ZNF621: variants seen among roughly 807,000 people sequenced by gnomAD.
ZNF621 encodes zinc finger protein 621.
A neutral mutation model predicts 12.7 loss-of-function variants in ZNF621; 6 were observed. The observed-to-expected ratio is 0.47, with a 90% CI of 0.26 to 0.93. The LOEUF (loss-of-function observed/expected upper bound fraction) is 0.93. ZNF621 is among the 40% of genes least tolerant of loss of function. ZNF621 has a pLI of 0.15. For missense variants in ZNF621, 474 were observed against 524.0 expected, an observed-to-expected ratio of 0.90 and a Z score of 0.93; for synonymous variants, 156 against 190.3, an observed-to-expected ratio of 0.82 and a Z score of 1.48.
chr3:40,533,261 C>T lies in ZNF621; in HGVS notation c.*171C>T. The T allele has an allele frequency of 9.1e-7, 1 of 1,095,464 alleles. No homozygotes were observed. The highest frequency in any genetic ancestry group is 1.3e-6 in the Non-Finnish European group (1 of 795,362). The allele number at this position is 1,095,464 out of a possible 1,614,324, so 67.9% of individuals were successfully genotyped here. ...GTTCAAGCGATTCTCCTCCTTCAGA[C>T]TCTCGAATAGCTGGGATTACAGGCA... On this transcript the variant is annotated 3_prime_UTR_variant, in exon 5 of 5. Transcript: ENST00000339296.
chr3:40,524,567 T>G (rs937783138), upstream of ZNF621, among the ~76,000 whole-genome samples: 1 of 152,194 alleles, frequency 6.6e-6, no homozygotes, highest in Non-Finnish European at 1.5e-5. Flanking sequence ...ATCCTGGGCT[T>G]GGGCCTCTTA....
chr3:40,531,853 C>G (rs1698733373), intron 4 of ZNF621, among the ~76,000 whole-genome samples, 177 bp from the exon 5 acceptor site: 1 of 152,214 alleles, frequency 6.6e-6, no homozygotes. Context: ...CATGAGCCAC[C>G]ACACCTGGCC....
At chr3:40,530,575 C>G (rs1016939967) in intron 4 of ZNF621, among the ~76,000 whole-genome samples, 2 of 152,204 alleles carry the variant, frequency 1.3e-5, no homozygotes, top group Non-Finnish European at 2.9e-5. Flanking sequence ...TCCTAAACCA[C>G]TTCTTTCTTA....
At chr3:40,523,123 CT>C (rs1291104479), upstream of ZNF621, among the ~76,000 whole-genome samples, 1 of 150,548 alleles carries the variant, frequency 6.6e-6, no homozygotes, top group Non-Finnish European at 1.5e-5. Context: ...TCCTTTTTCT[CT>C]TTTTAGGACT....
At chr3:40,523,832 C>G (rs536581183), upstream of ZNF621, among the ~76,000 whole-genome samples, 3 of 150,078 alleles carry the variant, frequency 2.0e-5, no homozygotes, top group East Asian at 3.9e-4. Flanking sequence ...TTAGCAACCA[C>G]TTTGATACTG....
At chr3:40,530,425 C>A in intron 4 of ZNF621, 109 bp downstream of exon 4, 2 of 869,846 alleles carry the variant, frequency 2.3e-6, no homozygotes, top group Non-Finnish European at 3.6e-6. Flanking sequence ...ATTTATAAGT[C>A]GATACTCACT....
chr3:40,524,004 C>T (rs1014197338), upstream of ZNF621, among the ~76,000 whole-genome samples: 2 of 152,234 alleles, frequency 1.3e-5, no homozygotes, highest in East Asian at 1.9e-4. Flanking sequence ...TTTCAGAGTA[C>T]GTGTACTGAT....
chr3:40,525,686 C>A, intron 1 of ZNF621, 93 bp from the exon 2 acceptor site: 1 of 915,044 alleles, frequency 1.1e-6, no homozygotes, highest in African/African-American at 1.6e-5. Context: ...CTCCGTGCAT[C>A]CAGTGCTGGA....
upstream of ZNF621, among the ~76,000 whole-genome samples, chr3:40,523,895 G>C (rs1464286811): frequency 1.3e-5 from 2 of 152,076 alleles, no homozygotes; most frequent in East Asian, 3.9e-4. Flanking sequence ...ACTTGCCAAT[G>C]AGCTGGGTAG....
chr3:40,525,510 G>C, intron 1 of ZNF621: 1 of 548,266 alleles, frequency 1.8e-6, no homozygotes, highest in Non-Finnish European at 3.2e-6. Flanking sequence ...CAACACAATA[G>C]GGACAGGGCT....
At chr3:40,525,936 T>G in intron 2 of ZNF621, 72 bp downstream of exon 2, 1 of 1,582,550 alleles carries the variant, frequency 6.3e-7, no homozygotes. Flanking sequence ...TATCAGATAA[T>G]CAGGAAAGGA....
Position 40,532,371 on chromosome 3 carries a change from C to T in ZNF621, c.601C>T (p.His201Tyr). 6.2e-7 allele frequency: 1 copy of T among 1,612,814 alleles called. No individual in the cohort carries two copies. Among genetic ancestry groups the T allele is most frequent in the Non-Finnish European group, 8.5e-7 (1 of 1,179,994 alleles). Residue 201 changes from histidine to tyrosine, a missense_variant, in exon 5 of 5, where the codon CAC becomes TAC. Transcript: ENST00000339296. ...TGATTGTATTGTACATGAGAAAAAC[C>T]ACATTGGAGAAGGGCCCTATGAATG... ...SYDCIVHEKN[H>Y]IGEGPYECKE...
In ZNF621 at chr3:40,525,867, G is replaced by A. The variant is rs772834393; in HGVS notation, c.24+3G>A. ...TGCTCCAAACAACTTGGCCTCAGGT[G>A]AGCTGAGCTTCTTTCAGTTTTTTTG... On this transcript the variant is annotated splice_donor_region_variant and intron_variant, in intron 2 of 4. Transcript: ENST00000339296. The A allele has an allele frequency of 1.2e-6, 2 of 1,613,168 alleles. No individual in the cohort carries two copies. The highest frequency in any genetic ancestry group is 4.5e-5 in the East Asian group (2 of 44,880).
chr3:40,535,623 T>G lies in ZNF621; in HGVS notation c.*2533T>G, dbSNP rs1296172935. 2.0e-5 allele frequency: 3 copies of G among 152,178 alleles called. No individual in the cohort carries two copies. Among genetic ancestry groups the G allele is most frequent in the African/African-American group, 7.2e-5 (3 of 41,430 alleles). 9.4% of individuals were successfully genotyped at this position (152,178 alleles called of 1,614,324 possible). Reference sequence around the variant, plus strand: ...TAGGGTCTTCTGTCTTCAGCCAGGGTGTACCTGCTCGGTGGGAGTTGGTTA... The same window carrying G: ...TAGGGTCTTCTGTCTTCAGCCAGGGGGTACCTGCTCGGTGGGAGTTGGTTA... On this transcript the variant is annotated 3_prime_UTR_variant, in exon 5 of 5. Coordinates refer to ENST00000339296, the MANE Select transcript of ZNF621 (RefSeq NM_198484.5).
rs373767736 is a variant in ZNF621, at chr3:40,525,483, T to C, written c.-63+209T>C. ...CCTGTAAGCATTCTGTAAAGACTCT[T>C]TACGTTTGTAGAGACCCAACACAAT... is the stretch of plus-strand genomic sequence containing the variant. On this transcript the variant is annotated intron_variant, in intron 1 of 4. Transcript: ENST00000339296. The C allele has an allele frequency of 6.6e-6, 3 of 457,430 alleles. No individual in the cohort carries two copies. In the South Asian group the frequency reaches 8.2e-5, roughly 13 times the overall value. 28.3% of individuals were successfully genotyped at this position (457,430 alleles called of 1,614,324 possible).
intron 3 of ZNF621, among the ~76,000 whole-genome samples, chr3:40,529,899 C>T (rs917495441): frequency 1.3e-4 from 20 of 152,276 alleles, no homozygotes; most frequent in Admixed American, 2.6e-4. Flanking sequence ...TTCCTTTGTC[C>T]ATCCAGTTTT....
intron 3 of ZNF621, chr3:40,529,672 G>C (rs1436458346): frequency 4.1e-6 from 5 of 1,231,624 alleles, no homozygotes; most frequent in East Asian, 4.0e-5. Flanking sequence ...ACCTAGGCTG[G>C]AGGGCAGTGG....
chr3:40,525,814 A>G lies in ZNF621; in HGVS notation c.-27A>G. Reference sequence around the variant, plus strand: ...TCTTGCTTGTCCAAACCCAGAAGACAGTGCATGAAGCCAGGGGACATCCGC... The same window carrying G: ...TCTTGCTTGTCCAAACCCAGAAGACGGTGCATGAAGCCAGGGGACATCCGC... On this transcript the variant is annotated 5_prime_UTR_variant, in exon 2 of 5. Transcript: ENST00000339296. The G allele has an allele frequency of 6.2e-7, 1 of 1,614,208 alleles. No individual in the cohort carries two copies. Among genetic ancestry groups the G allele is most frequent in the East Asian group, 2.2e-5 (1 of 44,878 alleles).
chr3:40,532,612 A>G lies in ZNF621; in HGVS notation c.842A>G (p.His281Arg), dbSNP rs762076186. ...AFGCRSLFIV[H>R]QRIHTGEKPY... ...GGTTGTAGGTCACTTTTTATTGTCC[A>G]TCAGAGAATTCATACTGGGGAGAAA... Residue 281 changes from histidine (H) to arginine (R), a missense_variant, in exon 5 of 5, where the codon CAT (histidine) becomes CGT (arginine). By Grantham distance (29) the His-to-Arg change is conservative. Coordinates refer to ENST00000339296, the MANE Select transcript of ZNF621 (RefSeq NM_198484.5). 136 of 1,614,210 alleles carry G rather than the reference A, an allele frequency of 8.4e-5. No individual in the cohort carries two copies. In the East Asian group the frequency reaches 2.6e-3, roughly 31 times the overall value.
Sources: allele counts gnomAD v4.1 joint callset (sites outside exome capture counted in the v4.1 genomes callset), GRCh38; gene constraint gnomAD v4.1.1; transcripts MANE v1.5; gene names NCBI Gene and HGNC (gene_info 2026-07-23, HGNC 2026-07-21).